NUB1: variants seen among roughly 807,000 people sequenced by gnomAD.
The protein encoded by NUB1 is NEDD8 ultimate buster 1.
Under a neutral mutation model 77.1 loss-of-function variants are expected in NUB1, and 41 were observed. The ratio of observed to expected loss-of-function variants is 0.53; its 90% CI spans 0.41 to 0.69. The LOEUF (loss-of-function observed/expected upper bound fraction) is 0.69, where lower values mean the gene tolerates loss of function less well. Among genes scored for constraint, NUB1 ranks in the 30% least tolerant of loss-of-function variants. The pLI is 0.00. For missense variants in NUB1, 643 were observed against 743.8 expected, an observed-to-expected ratio of 0.86 and a Z score of 1.58; for synonymous variants, 257 against 281.0, an observed-to-expected ratio of 0.91 and a Z score of 0.85.
At position 151,377,343 on chromosome 7, in the gene NUB1, G is replaced by A; in HGVS notation, c.*118G>A. 1.5e-6 allele frequency: 1 copy of A among 685,454 alleles called. No homozygotes were observed. The highest frequency in any genetic ancestry group is 3.2e-5 in the East Asian group (1 of 31,700). 42.5% of individuals were successfully genotyped at this position (685,454 alleles called of 1,614,324 possible). ...AATTACAAGTCCTCTTTGGGTGTAG[G>A]AGGGGGTGGGCAGGGGACAAGTCCA... is the stretch of plus-strand genomic sequence containing the variant. On this transcript the variant is annotated 3_prime_UTR_variant, in exon 15 of 15. Transcript: ENST00000568733.
At chr7:151,344,225 G>A (rs916636683) in intron 1 of NUB1, among the ~76,000 whole-genome samples, 1 of 138,208 alleles carries the variant, frequency 7.2e-6, no homozygotes, top group African/African-American at 2.7e-5. Flanking sequence ...TAGATGTGCT[G>A]TTAGGCTGTT....
rs534505534 is a variant in NUB1, at chr7:151,342,029, T to C, written c.-3+183T>C. On this transcript the variant is annotated intron_variant, in intron 1 of 14. Transcript: ENST00000568733. ...CGGGGCCGGGAGCGGTGGGCCGGGCTTCGGGACGCGCTGGCCGTTCGGGGC... is the reference window on the plus strand; with the variant it reads ...CGGGGCCGGGAGCGGTGGGCCGGGCCTCGGGACGCGCTGGCCGTTCGGGGC... 18 of 1,156,600 alleles carry C rather than the reference T, an allele frequency of 1.6e-5. No individual in the cohort carries two copies. In the East Asian group the frequency reaches 5.7e-4, roughly 37 times the overall value. 71.6% of individuals were successfully genotyped at this position (1,156,600 alleles called of 1,614,324 possible). A position where few individuals can be genotyped will look rare whatever the true frequency, so the allele number is the denominator to read the frequency against.
intron 7 of NUB1, among the ~76,000 whole-genome samples, chr7:151,356,492 A>C (rs1239836728): frequency 1.3e-5 from 2 of 152,204 alleles, no homozygotes; most frequent in East Asian, 3.8e-4. Flanking sequence ...CACTGCCTTC[A>C]GTGCATGCAG....
Position 151,351,977 on chromosome 7 carries a change from T to C in NUB1, c.344+495T>C. The C allele has an allele frequency of 7.3e-5, 29 of 399,062 alleles. 2 individuals are homozygous for C. Among genetic ancestry groups the C allele is most frequent in the South Asian group, 5.2e-4 (29 of 56,094 alleles). 24.7% of individuals were successfully genotyped at this position (399,062 alleles called of 1,614,324 possible). A position where few individuals can be genotyped will look rare whatever the true frequency, so the allele number is the denominator to read the frequency against. On this transcript the variant is annotated intron_variant, in intron 4 of 14. Transcript: ENST00000568733. ...GTGAAATCCTAACTTTGAGATCTGG[T>C]GGGTTATTTCATCTCCTTGTATGTT...
chr7:151,374,236 C>T lies in NUB1; in HGVS notation c.1388C>T (p.Ala463Val), dbSNP rs1422502453. 7.1e-6 allele frequency: 11 copies of T among 1,554,700 alleles called. No homozygotes were observed. The East Asian group carries it at 2.7e-4, about 38-fold the overall frequency. The change falls in exon 12 of 15, where the codon GCC (alanine) becomes GTC (valine). Residue 463 changes from alanine to valine, a missense_variant. Ala to Val is a moderately conservative substitution (Grantham distance 64, BLOSUM62 0). Transcript: ENST00000568733. ...LHAASGNLDEALKILLSNPQM... is the reference protein window; with the variant it reads ...LHAASGNLDEVLKILLSNPQM... ...GCAGCCAGCGGGAACTTGGATGAGG[C>T]CCTGAAGGTAGCAGCTCCCTCGGGG...
At chr7:151,367,463 G>T (rs961639305) in intron 9 of NUB1, among the ~76,000 whole-genome samples, 1 of 152,168 alleles carries the variant, frequency 6.6e-6, no homozygotes, top group African/African-American at 2.4e-5. Context: ...CATTTCAGCA[G>T]TAATGGTTTA....
rs1455825608 is a variant in NUB1 at position 151,352,687 on chromosome 7, C to G, written c.345-125C>G. The G allele has an allele frequency of 7.8e-6, 5 of 645,022 alleles. No homozygotes were observed. In the Admixed American group the frequency reaches 1.6e-4, roughly 20 times the overall value. 40.0% of individuals were successfully genotyped at this position (645,022 alleles called of 1,614,324 possible). A position where few individuals can be genotyped will look rare whatever the true frequency, so the allele number is the denominator to read the frequency against. Reference sequence around the variant, plus strand: ...TGAATTCCTGGGCTCAAGCCATCCTCCCACCTTGGCCTCCCAGGGTGTTGG... The same window carrying G: ...TGAATTCCTGGGCTCAAGCCATCCTGCCACCTTGGCCTCCCAGGGTGTTGG... On this transcript the variant is annotated intron_variant, in intron 4 of 14. Transcript: ENST00000568733.
chr7:151,357,948 G>GT (rs1797162342), intron 7 of NUB1, among the ~76,000 whole-genome samples: 1 of 151,716 alleles, frequency 6.6e-6, no homozygotes. Context: ...GTGGATCAGT[G>GT]TTTGAGTTAT....
intron 14 of NUB1, 29 bp from the exon 15 acceptor site, chr7:151,377,018 T>G: frequency 6.7e-7 from 1 of 1,502,990 alleles, no homozygotes. Context: ...CTCACATAAT[T>G]CACTTACTCC....
chr7:151,377,086 A>C lies in NUB1; in HGVS notation c.1709A>C (p.Glu570Ala). ...SASTDEDMET[E>A]AVNEILEDIP... ...TCAACAGACGAAGACATGGAGACAG[A>C]GGCCGTCAATGAGATACTGGAAGAC... Residue 570 changes from glutamate (E) to alanine (A), a missense_variant, in exon 15 of 15, where the codon GAG (glutamate) becomes GCG (alanine). Transcript: ENST00000568733. 1 of 1,578,458 alleles carries C rather than the reference A, an allele frequency of 6.3e-7. No individual in the cohort carries two copies. Among genetic ancestry groups the C allele is most frequent in the Non-Finnish European group, 8.6e-7 (1 of 1,162,970 alleles).
intron 1 of NUB1, among the ~76,000 whole-genome samples, chr7:151,343,985 T>C (rs377351954): frequency 1.2e-3 from 183 of 151,656 alleles, no homozygotes; most frequent in African/African-American, 4.1e-3. Context: ...ATTGAGACCA[T>C]CCTGGCCAAC....
At chr7:151,374,916 GGGCT>G (rs1333377207) in intron 12 of NUB1, among the ~76,000 whole-genome samples, 1 of 152,184 alleles carries the variant, frequency 6.6e-6, no homozygotes, top group East Asian at 1.9e-4. Context: ...AGGAGGCAGG[GGGCT>G]GGCTGTGTGG....
At chr7:151,360,027 T>C in intron 7 of NUB1, 114 bp from the exon 8 acceptor site, 1 of 563,378 alleles carries the variant, frequency 1.8e-6, no homozygotes, top group East Asian at 2.8e-5. Flanking sequence ...TAGATTGAGT[T>C]ATGATCTTGT....
At position 151,355,833 on chromosome 7, in the gene NUB1, T is replaced by C; in HGVS notation, c.481T>C (p.Ser161Pro). 6.2e-7 allele frequency: 1 copy of C among 1,611,554 alleles called. No individual in the cohort carries two copies. The highest frequency in any genetic ancestry group is 1.1e-5 in the South Asian group (1 of 90,600). ...VKAMVLELKQ[S>P]EEDARKNFQL... ...AGCGATGGTGCTTGAACTAAAACAA[T>C]CTGAAGAGGACGCGAGGAAAAACTT... The change falls in exon 6 of 15, where the codon TCT becomes CCT. Residue 161 changes from serine (S) to proline (P), a missense_variant. Coordinates refer to ENST00000568733, the MANE Select transcript of NUB1 (RefSeq NM_001243351.2).
At chr7:151,373,006 T>G (rs1798031641) in intron 11 of NUB1, among the ~76,000 whole-genome samples, 1 of 152,196 alleles carries the variant, frequency 6.6e-6, no homozygotes, top group Non-Finnish European at 1.5e-5. Flanking sequence ...TGCCTGCTCC[T>G]ACTGTGGGGC....
In NUB1 at chr7:151,375,942, G is replaced by A. The variant is rs376679280; in HGVS notation, c.1490G>A (p.Arg497Gln). The change falls in exon 13 of 15, where the codon CGA becomes CAA. Residue 497 changes from arginine to glutamine, a missense_variant and splice_region_variant. Coordinates refer to ENST00000568733, the MANE Select transcript of NUB1 (RefSeq NM_001243351.2). Reference sequence around the variant, plus strand: ...AGTCCTTCCCAGGAAAACATTGACCGAGTGAGTGACAGGCCTTTGTGCCCT... The same window carrying A: ...AGTCCTTCCCAGGAAAACATTGACCAAGTGAGTGACAGGCCTTTGTGCCCT... ...QESPSQENIDRLVYMGFDALV... is the reference protein window; with the variant it reads ...QESPSQENIDQLVYMGFDALV... 1.4e-5 allele frequency: 23 copies of A among 1,604,456 alleles called. No homozygotes were observed. Among genetic ancestry groups the A allele is most frequent in the South Asian group, 7.7e-5 (7 of 90,846 alleles).
chr7:151,364,852 T>G (rs1198036556), intron 8 of NUB1, among the ~76,000 whole-genome samples: 1 of 152,052 alleles, frequency 6.6e-6, no homozygotes, highest in Non-Finnish European at 1.5e-5. Context: ...TCAGTAGATT[T>G]TATTTAAATA....
intron 1 of NUB1, among the ~76,000 whole-genome samples, chr7:151,345,005 AG>A (rs1229474766): frequency 1.3e-5 from 2 of 152,164 alleles, no homozygotes; most frequent in South Asian, 2.1e-4. Context: ...GTCTCAAAAA[AG>A]AAAAAAAGAA....
At chr7:151,369,913 C>T (rs1797880474) in intron 11 of NUB1, among the ~76,000 whole-genome samples, 1 of 152,192 alleles carries the variant, frequency 6.6e-6, no homozygotes, top group Non-Finnish European at 1.5e-5. Context: ...TGTTTGCCTA[C>T]CTGATGCCAG....
Sources: gnomAD v4.1 joint callset for allele counts (sites outside exome capture counted in the v4.1 genomes callset) on GRCh38, gnomAD v4.1.1 for gene constraint, MANE v1.5 for transcripts, NCBI Gene and HGNC (gene_info 2026-07-23, HGNC 2026-07-21) for gene names.